The following NFATC2 variants were observed in gnomAD, a reference collection of about 807,000 sequenced individuals.
NFATC2 encodes nuclear factor of activated T-cells, cytoplasmic 2.
Under a neutral mutation model 87.3 loss-of-function variants are expected in NFATC2, and 22 were observed. The observed-to-expected ratio is 0.25, with a 90% confidence interval of 0.18 to 0.36. The LOEUF (loss-of-function observed/expected upper bound fraction) is 0.36, where lower values mean the gene tolerates loss of function less well. Among genes scored for constraint, NFATC2 ranks in the 10% least tolerant of loss-of-function variants. The probability of loss-of-function intolerance (pLI) is 1.00; values close to 1 mark genes in which losing one functional copy is unlikely to be tolerated. For missense variants in NFATC2, 1,149 were observed against 1,259.1 expected (o/e 0.91, Z 1.32); for synonymous variants, 565 against 542.2 (o/e 1.04, Z -0.58).
intron 3 of NFATC2, among the ~76,000 whole-genome samples, chr20:51,492,042 G>A (rs2075900288): frequency 6.6e-6 from 1 of 151,634 alleles, no homozygotes; most frequent in African/African-American, 2.4e-5. Context: ...TCACTGGCCC[G>A]GGCTCCCCTT....
chr20:51,467,574 T>C (rs1405566948), intron 5 of NFATC2, among the ~76,000 whole-genome samples: 1 of 151,728 alleles, frequency 6.6e-6, no homozygotes, highest in Non-Finnish European at 1.5e-5. Flanking sequence ...AATAAAAAAA[T>C]AGAAGACACA....
At chr20:51,498,307 C>G (rs2076022876) in intron 3 of NFATC2, among the ~76,000 whole-genome samples, 1 of 152,188 alleles carries the variant, frequency 6.6e-6, no homozygotes, top group South Asian at 2.1e-4. Context: ...GCAGCAGCAA[C>G]AACCTCTCAA....
intron 2 of NFATC2, among the ~76,000 whole-genome samples, chr20:51,519,964 T>C (rs1254366186): frequency 1.3e-5 from 2 of 151,704 alleles, no homozygotes; most frequent in African/African-American, 2.4e-5. Context: ...AGAGCCAGCA[T>C]GAAATTCTGA....
chr20:51,413,305 C>T lies in NFATC2; in HGVS notation c.2723-14575G>A, dbSNP rs149461990. Reference sequence around the variant, plus strand: ...ATGGCACTAAGAGGGCCCTGGGTTCCAAAGCCATCCTGCTGAGAAGAGATA... The same window carrying T: ...ATGGCACTAAGAGGGCCCTGGGTTCTAAAGCCATCCTGCTGAGAAGAGATA... On this transcript the variant is annotated intron_variant, in intron 9 of 10. Transcript: ENST00000371564. Among the ~76,000 whole-genome samples the T allele has an allele frequency of 3.4e-3, 511 of 152,122 alleles. 9 individuals carry two copies. The East Asian group carries it at 0.049, about 15-fold the overall frequency.
At chr20:51,429,908 A>G (rs1982436834) in intron 9 of NFATC2, among the ~76,000 whole-genome samples, 1 of 152,000 alleles carries the variant, frequency 6.6e-6, no homozygotes, top group Admixed American at 6.5e-5. Flanking sequence ...GTTTGGACCT[A>G]GCGGGACTCC....
intron 1 of NFATC2, among the ~76,000 whole-genome samples, chr20:51,548,362 C>A (rs1003564852): frequency 6.6e-5 from 10 of 152,168 alleles, no homozygotes; most frequent in Non-Finnish European, 1.3e-4. Context: ...TCCTCATTGC[C>A]CTTTCCGCTA....
chr20:51,484,474 C>T (rs1204690241), intron 3 of NFATC2, among the ~76,000 whole-genome samples: 1 of 152,220 alleles, frequency 6.6e-6, no homozygotes, highest in Non-Finnish European at 1.5e-5. Context: ...GGGGCAGCAC[C>T]CCATCTTTCC....
At chr20:51,493,369 C>T (rs2075931337) in intron 3 of NFATC2, among the ~76,000 whole-genome samples, 1 of 152,042 alleles carries the variant, frequency 6.6e-6, no homozygotes, top group Non-Finnish European at 1.5e-5. Context: ...GTCGTTTTCT[C>T]ATGGGGCTGT....
In NFATC2 at chr20:51,505,812, C is replaced by T. The variant is rs560054174; in HGVS notation, c.1332+10972G>A. On this transcript the variant is annotated intron_variant, in intron 3 of 10. Transcript: ENST00000371564. ...ACACATAAGAAATGGTGAGAGGGAA[C>T]GCCCTCCACACCGTCTGCCCCTAAC... 9.9e-5 allele frequency among the ~76,000 whole-genome samples: 15 copies of T among 152,248 alleles called. No individual in the cohort carries two copies. In the East Asian group the frequency reaches 2.1e-3, roughly 22 times the overall value.
At chr20:51,448,276 A>G (rs1031450139) in intron 6 of NFATC2, among the ~76,000 whole-genome samples, 30 of 152,224 alleles carry the variant, frequency 2.0e-4, no homozygotes, top group Non-Finnish European at 2.9e-5. Flanking sequence ...ATGACGGTCA[A>G]GGAGGACCCC....
At chr20:51,440,266 C>T in intron 6 of NFATC2, among the ~76,000 whole-genome samples, 1 of 122,922 alleles carries the variant, frequency 8.1e-6, no homozygotes, top group South Asian at 2.6e-4. Context: ...AAATGTTCAA[C>T]AGAAGATACC....
chr20:51,541,571 A>G (rs1206997565), intron 1 of NFATC2, among the ~76,000 whole-genome samples: 1 of 152,156 alleles, frequency 6.6e-6, no homozygotes, highest in African/African-American at 2.4e-5. Context: ...ACAGAGTGAC[A>G]AAGTTCAGGC....
intron 10 of NFATC2, among the ~76,000 whole-genome samples, chr20:51,398,382 C>T (rs1331216017): frequency 6.6e-6 from 1 of 152,156 alleles, no homozygotes; most frequent in African/African-American, 2.4e-5. Context: ...TTTTTCCACG[C>T]AGGCCAGCCC....
chr20:51,512,616 T>C (rs951952555), intron 3 of NFATC2, among the ~76,000 whole-genome samples: 3 of 152,336 alleles, frequency 2.0e-5, no homozygotes, highest in Middle Eastern at 3.4e-3. Flanking sequence ...CAGCTGAGCA[T>C]GGCATATGTT....
At chr20:51,455,720 G>A (rs1600770901) in intron 5 of NFATC2, among the ~76,000 whole-genome samples, 2 of 31,842 alleles carry the variant, frequency 6.3e-5, no homozygotes, top group African/African-American at 1.4e-4. Flanking sequence ...TGGTGGGTGG[G>A]TGGGTGGATG....
At chr20:51,509,004 C>A (rs1005104659) in intron 3 of NFATC2, among the ~76,000 whole-genome samples, 2 of 152,076 alleles carry the variant, frequency 1.3e-5, no homozygotes, top group Admixed American at 6.5e-5. Context: ...TAAACATGTG[C>A]GAGGCCCACG....
chr20:51,480,924 A>G lies in NFATC2; in HGVS notation c.1333-5264T>C, dbSNP rs1989199908. 6.6e-6 allele frequency among the ~76,000 whole-genome samples: 1 copy of G among 152,172 alleles called. No homozygotes were observed. Among genetic ancestry groups the G allele is most frequent in the Admixed American group, 6.5e-5 (1 of 15,282 alleles). Reference sequence around the variant, plus strand: ...ATGAATGTGAACAAAGTGAGAACCAACGTGAAGGCCTCCCATATGGGAAAG... The same window carrying G: ...ATGAATGTGAACAAAGTGAGAACCAGCGTGAAGGCCTCCCATATGGGAAAG... On this transcript the variant is annotated intron_variant, in intron 3 of 10. Coordinates refer to ENST00000371564, the MANE Select transcript of NFATC2 (RefSeq NM_012340.5). The surrounding 1 kb of genome is among the most constrained non-coding windows in gnomAD (Gnocchi z 4.2).
Position 51,398,670 on chromosome 20 carries a change from ATCAC to A in NFATC2, c.*13_*16del, listed in dbSNP as rs1568926656. 6.2e-7 allele frequency: 1 copy of A among 1,612,242 alleles called. No individual in the cohort carries two copies. The highest frequency in any genetic ancestry group is 1.3e-5 in the African/African-American group (1 of 75,008). ...TTAACTTTGATTTCTCGGATCAAAG[ATCAC>A]AGTCATTCTGTTTCATAATATGTTT... On this transcript the variant is annotated 3_prime_UTR_variant, in exon 10 of 11. Coordinates refer to ENST00000371564, the MANE Select transcript of NFATC2 (RefSeq NM_012340.5).
intron 9 of NFATC2, among the ~76,000 whole-genome samples, chr20:51,427,993 C>T (rs1224715882): frequency 1.3e-5 from 2 of 152,116 alleles, no homozygotes; most frequent in Non-Finnish European, 2.9e-5. Flanking sequence ...TCCCTAAGTC[C>T]CAGAACAGTG....
Sources: gnomAD v4.1 joint callset for allele counts (sites outside exome capture counted in the v4.1 genomes callset) on GRCh38, gnomAD v4.1.1 for gene constraint, Gnocchi (gnomAD v3.1) non-coding constraint, MANE v1.5 for transcripts, NCBI Gene and HGNC (gene_info 2026-07-23, HGNC 2026-07-21) for gene names.